MAPKBP1: variants seen among roughly 807,000 people sequenced by gnomAD.
The protein encoded by MAPKBP1 is mitogen-activated protein kinase binding protein 1.
In MAPKBP1, 71 loss-of-function variants were observed where a neutral mutation model predicts 170.5. The observed-to-expected ratio is 0.42, with a 90% CI of 0.34 to 0.51. The LOEUF is 0.51. Among genes scored for constraint, MAPKBP1 ranks in the 20% least tolerant of loss-of-function variants. The pLI is 0.06. For missense variants in MAPKBP1, 1,598 were observed against 1,933.0 expected (o/e 0.83, Z 3.25); for synonymous variants, 719 against 757.9 (o/e 0.95, Z 0.84).
At chr15:41,802,075 G>T (rs2064605001) in intron 3 of MAPKBP1, among the ~76,000 whole-genome samples, 1 of 152,042 alleles carries the variant, frequency 6.6e-6, no homozygotes, top group Non-Finnish European at 1.5e-5. Flanking sequence ...TGCACAGCAG[G>T]TTACTGTACT....
At chr15:41,791,645 G>A (rs1197705) in intron 2 of MAPKBP1, among the ~76,000 whole-genome samples, 105,049 of 152,032 alleles carry the variant, frequency 0.69, 36,791 homozygotes, top group East Asian at 0.97. Context: ...GGGATCTTAT[G>A]CTGTGCCACC....
chr15:41,810,578 G>A (rs541009755), intron 3 of MAPKBP1: 27 of 340,870 alleles, frequency 7.9e-5, no homozygotes, highest in African/African-American at 5.3e-4. Context: ...AGATTAGCTT[G>A]CATGGTGGCA....
At chr15:41,775,618 C>T (rs1173892441) in intron 2 of MAPKBP1, among the ~76,000 whole-genome samples, 1 of 152,214 alleles carries the variant, frequency 6.6e-6, no homozygotes, top group Non-Finnish European at 1.5e-5. Context: ...AGGAAGACCA[C>T]CTGGGTTCAA....
At position 41,823,762 on chromosome 15, in the gene MAPKBP1, C is replaced by G; in HGVS notation, c.3914C>G (p.Ala1305Gly). 6.2e-7 allele frequency: 1 copy of G among 1,614,192 alleles called. No homozygotes were observed. Among genetic ancestry groups the G allele is most frequent in the Non-Finnish European group, 8.5e-7 (1 of 1,180,036 alleles). Residue 1305 changes from alanine to glycine, a missense_variant, in exon 29 of 31, where the codon GCT becomes GGT. By Grantham distance (60) the Ala-to-Gly change is moderately conservative. Around this residue, in one of 6 missense-constraint regions of MAPKBP1, gnomAD observed 942 missense variants for 953.2 expected, o/e 0.99. Coordinates refer to ENST00000457542, the MANE Select transcript of MAPKBP1 (RefSeq NM_014994.3). ...CCACTGCCTGACCGTCCTACCCTGG[C>G]TGCATTCTCTCCTGTCACCAAAGGC... ...PKPLPDRPTL[A>G]AFSPVTKGRA...
chr15:41,821,593 C>A lies in MAPKBP1; in HGVS notation c.2728C>A (p.Pro910Thr). The A allele has an allele frequency of 6.2e-7, 1 of 1,613,510 alleles. No individual in the cohort carries two copies. The highest frequency in any genetic ancestry group is 8.5e-7 in the Non-Finnish European group (1 of 1,179,834). The change falls in exon 24 of 31, where the codon CCC becomes ACC. Residue 910 changes from proline (P) to threonine (T), a missense_variant. By Grantham distance (38) the Pro-to-Thr change is conservative. Around this residue, in one of 6 missense-constraint regions of MAPKBP1, gnomAD observed 942 missense variants for 953.2 expected, o/e 0.99. Transcript: ENST00000457542. The part of the protein sequence containing the change: ...ETSLTSQNEK[P>T]PRPQASQPCS... ...CTTTGTGTGTTCCCAGAATGAAAAG[C>A]CCCCTCGGCCTCAGGCTTCCCAACC...
chr15:41,821,901 T>A, intron 24 of MAPKBP1, 64 bp from the exon 25 acceptor site: 6 of 1,575,224 alleles, frequency 3.8e-6, no homozygotes, highest in Non-Finnish European at 4.3e-6. Context: ...CAGGCAGGAG[T>A]CCAGCGGGGC....
chr15:41,824,251 T>G (rs947081021), intron 29 of MAPKBP1, among the ~76,000 whole-genome samples, 190 bp downstream of exon 29: 2 of 152,178 alleles, frequency 1.3e-5, no homozygotes, highest in African/African-American at 4.8e-5. Context: ...ATGATTTCCT[T>G]GTGACTCACT....
chr15:41,821,942 T>C, intron 24 of MAPKBP1, 23 bp from the exon 25 acceptor site: 2 of 1,606,656 alleles, frequency 1.2e-6, no homozygotes, highest in African/African-American at 1.3e-5. Flanking sequence ...TGCCTTTTCT[T>C]CTCCCTGCTG....
At chr15:41,803,413 CAAAAAAA>C (rs1166671811) in intron 3 of MAPKBP1, among the ~76,000 whole-genome samples, 642 of 11,270 alleles carry the variant, frequency 0.057, 36 homozygotes, top group African/African-American at 0.17. Flanking sequence ...GACTCCATCT[CAAAAAAA>C]AAAAAAAAAA....
At chr15:41,781,984 C>T (rs369323482) in intron 2 of MAPKBP1, among the ~76,000 whole-genome samples, 2 of 151,272 alleles carry the variant, frequency 1.3e-5, no homozygotes, top group Non-Finnish European at 2.9e-5. Flanking sequence ...CGCAGTGGCT[C>T]ATGCCTGTAA....
In MAPKBP1 at chr15:41,813,770, C is replaced by T. The variant is rs892155878; in HGVS notation, c.969C>T (p.Val323=). 3.1e-6 allele frequency: 5 copies of T among 1,597,126 alleles called. No individual in the cohort carries two copies. Among genetic ancestry groups the T allele is most frequent in the Non-Finnish European group, 4.3e-6 (5 of 1,171,612 alleles). Residue 323 remains valine, a synonymous_variant, in exon 9 of 31, where the codon GTC becomes GTT. Coordinates refer to ENST00000457542, the MANE Select transcript of MAPKBP1 (RefSeq NM_014994.3). ...PHALGTDIAS[V]TEASRLFSGV... ...CTCTGGGGACAGACATTGCTAGCGTCACCGAGGCCAGGTGAGCTATGTGGG... is the reference window on the plus strand; with the variant it reads ...CTCTGGGGACAGACATTGCTAGCGTTACCGAGGCCAGGTGAGCTATGTGGG...
intron 8 of MAPKBP1, 143 bp downstream of exon 8, chr15:41,813,244 G>C: frequency 6.7e-7 from 1 of 1,503,344 alleles, no homozygotes; most frequent in South Asian, 1.2e-5. Flanking sequence ...GCTAGAGCTT[G>C]GCCCATTTCC....
chr15:41,798,356 C>G (rs1199897305), intron 2 of MAPKBP1, among the ~76,000 whole-genome samples: 1 of 151,044 alleles, frequency 6.6e-6, no homozygotes, highest in East Asian at 2.0e-4. Flanking sequence ...GATCTCGGCT[C>G]ACTGCAACCT....
intron 3 of MAPKBP1, among the ~76,000 whole-genome samples, chr15:41,803,413 CAAAAAA>C (rs1166671811): frequency 1.8e-4 from 2 of 11,268 alleles, no homozygotes; most frequent in Non-Finnish European, 3.7e-4. Context: ...GACTCCATCT[CAAAAAA>C]AAAAAAAAAA....
chr15:41,775,037 A>T (rs2064074166), intron 1 of MAPKBP1, 130 bp from the exon 2 acceptor site: 1 of 448,946 alleles, frequency 2.2e-6, no homozygotes, highest in African/African-American at 2.0e-5. Context: ...CCGACGTTGT[A>T]AGAAACTGTG....
In MAPKBP1 at chr15:41,823,667, C is replaced by A; in HGVS notation, c.3819C>A (p.Pro1273=). The part of the protein sequence containing the change: ...GLVAEPQAHA[P]IRVSPLSKLA... ...TGGCTGAACCTCAAGCTCATGCCCC[C>A]ATCCGAGTCTCACCACTCAGCAAGC... is the stretch of plus-strand genomic sequence containing the variant. Residue 1273 remains proline (P), a synonymous_variant, in exon 29 of 31, where the codon CCC becomes CCA. Coordinates refer to ENST00000457542, the MANE Select transcript of MAPKBP1 (RefSeq NM_014994.3). 1 of 1,614,206 alleles carries A rather than the reference C, an allele frequency of 6.2e-7. No homozygotes were observed. Among genetic ancestry groups the A allele is most frequent in the Non-Finnish European group, 8.5e-7 (1 of 1,180,034 alleles).
chr15:41,812,250 T>C, intron 6 of MAPKBP1, 123 bp downstream of exon 6: 1 of 1,402,094 alleles, frequency 7.1e-7, no homozygotes, highest in Non-Finnish European at 9.8e-7. Flanking sequence ...TTCTAGAAAG[T>C]TATTTGAAGC....
At chr15:41,815,581 G>A (rs767566089) in intron 11 of MAPKBP1, 43 bp from the exon 12 acceptor site, 10 of 1,591,222 alleles carry the variant, frequency 6.3e-6, no homozygotes, top group Non-Finnish European at 8.6e-6. Context: ...CAGCTGTACT[G>A]GTCAGGCCTG....
chr15:41,802,547 C>T (rs1596078882), intron 3 of MAPKBP1, among the ~76,000 whole-genome samples: 2 of 152,190 alleles, frequency 1.3e-5, no homozygotes, highest in East Asian at 3.8e-4. Context: ...GATCTTAGCT[C>T]ACTGCAACCT....
Sources: gnomAD v4.1 joint callset for allele counts (sites outside exome capture counted in the v4.1 genomes callset) on GRCh38, gnomAD v4.1.1 for gene constraint, gnomAD v4.1.1 regional missense constraint, MANE v1.5 for transcripts, NCBI Gene and HGNC (gene_info 2026-07-23, HGNC 2026-07-21) for gene names.